Variants in CHL1 observed in about 807,000 individuals in gnomAD.
CHL1 encodes the protein cell adhesion molecule L1 like, also known as neural cell adhesion molecule L1-like protein.
CHL1 carries 96 observed loss-of-function variants against 141.9 expected under a neutral mutation model. The observed-to-expected ratio is 0.68, with a 90% CI of 0.57 to 0.80. CHL1 has a LOEUF of 0.80. Among genes scored for constraint, CHL1 ranks in the 30% least tolerant of loss-of-function variants. The pLI is 0.00. For synonymous variants in CHL1, 613 were observed against 502.2 expected (o/e 1.22, Z -2.95); for missense variants, 1,820 against 1,457.2 (o/e 1.25, Z -4.05).
At chr3:353,990 T>C (rs1276548851) in intron 10 of CHL1, among the ~76,000 whole-genome samples, 1 of 152,180 alleles carries the variant, frequency 6.6e-6, no homozygotes, top group African/African-American at 2.4e-5. Context: ...ATTGTTACAC[T>C]GGAGCATTAG....
chr3:367,868 CAT>C (rs755116195), intron 15 of CHL1, among the ~76,000 whole-genome samples: 16 of 151,742 alleles, frequency 1.1e-4, no homozygotes, highest in Non-Finnish European at 1.8e-4. Context: ...TCTTCTCCCA[CAT>C]GTTTGCTGAT....
chr3:390,600 A>G, intron 20 of CHL1, 101 bp from the exon 21 acceptor site: 1 of 677,810 alleles, frequency 1.5e-6, no homozygotes, highest in African/African-American at 1.8e-5. Context: ...ATTTCACAAA[A>G]GTGCTTTCTC....
At chr3:328,770 A>G (rs897567470) in intron 5 of CHL1, among the ~76,000 whole-genome samples, 3 of 152,122 alleles carry the variant, frequency 2.0e-5, no homozygotes, top group African/African-American at 7.2e-5. Context: ...ATCACAGCTA[A>G]TGGAGACATC....
chr3:400,218 G>T (rs750582629), intron 26 of CHL1, among the ~76,000 whole-genome samples: 3 of 152,106 alleles, frequency 2.0e-5, no homozygotes, highest in Non-Finnish European at 4.4e-5. Flanking sequence ...TTGGGAACCC[G>T]TCATCTACAT....
Position 325,872 on chromosome 3 carries a change from C to G in CHL1, c.92-87C>G, listed in dbSNP as rs111292192. Reference sequence around the variant, plus strand: ...TATCATCCTTTCACTTATCAGTATACAAAAGAGGTTTAAAGTGTTTTCGCT... The same window carrying G: ...TATCATCCTTTCACTTATCAGTATAGAAAAGAGGTTTAAAGTGTTTTCGCT... On this transcript the variant is annotated intron_variant, in intron 3 of 27. Coordinates refer to ENST00000256509, the MANE Select transcript of CHL1 (RefSeq NM_006614.4). The G allele has an allele frequency of 1.0e-3, 816 of 789,626 alleles. 3 individuals are homozygous for G. In the African/African-American group the frequency reaches 0.013, roughly 13 times the overall value. 48.9% of individuals were successfully genotyped at this position (789,626 alleles called of 1,614,324 possible).
Position 361,703 on chromosome 3 carries a change from C to T in CHL1, c.1311C>T (p.Val437=), listed in dbSNP as rs773636933. The T allele has an allele frequency of 1.4e-5, 22 of 1,605,630 alleles. No individual in the cohort carries two copies. The South Asian group carries it at 2.3e-4, about 17-fold the overall frequency. Residue 437 remains valine, a synonymous_variant, in exon 13 of 28, where the codon GTC becomes GTT. Coordinates refer to ENST00000256509, the MANE Select transcript of CHL1 (RefSeq NM_006614.4). The stretch of plus-strand genomic sequence containing the variant: ...GTTTATGTTATTTTCAAATAGATGT[C>T]CGTCCATTGATACAAACCAAAGATG... The part of the protein sequence containing the change: ...LANANIDVVD[V]RPLIQTKDGE...
chr3:250,250 A>G (rs1414831991), intron 2 of CHL1, among the ~76,000 whole-genome samples: 1 of 152,062 alleles, frequency 6.6e-6, no homozygotes, highest in Non-Finnish European at 1.5e-5. Flanking sequence ...CAAGCCACAA[A>G]TTTTATTTGA....
chr3:258,009 G>C (rs938749862), intron 2 of CHL1, among the ~76,000 whole-genome samples: 3 of 152,198 alleles, frequency 2.0e-5, no homozygotes, highest in African/African-American at 7.2e-5. Context: ...CGGTGGATTG[G>C]ATGTGTTTGC....
intron 2 of CHL1, among the ~76,000 whole-genome samples, chr3:313,996 T>G (rs1008161234): frequency 6.6e-6 from 1 of 152,166 alleles, no homozygotes; most frequent in Non-Finnish European, 1.5e-5. Context: ...ACATACACAC[T>G]GATGTTTAAA....
In CHL1 at chr3:361,556, G is replaced by A. The variant is rs1165182972; in HGVS notation, c.1307-143G>A. On this transcript the variant is annotated intron_variant, in intron 12 of 27. Transcript: ENST00000256509. ...GTACTTTCAAAAATGTATTGAATTG[G>A]GATACTTCTATAATTCAAAACAGAC... The A allele has an allele frequency of 2.8e-5, 16 of 568,278 alleles. No homozygotes were observed. In the Admixed American group the frequency reaches 4.7e-4, roughly 17 times the overall value. 35.2% of individuals were successfully genotyped at this position (568,278 alleles called of 1,614,324 possible).
At chr3:309,781 C>G (rs1699601526) in intron 2 of CHL1, among the ~76,000 whole-genome samples, 1 of 152,130 alleles carries the variant, frequency 6.6e-6, no homozygotes, top group South Asian at 2.1e-4. Flanking sequence ...TCTCAAAGTG[C>G]TAGGAATACA....
Position 340,930 on chromosome 3 carries a change from C to A in CHL1, c.508+14C>A. On this transcript the variant is annotated intron_variant, in intron 6 of 27. Transcript: ENST00000256509. ...GGATGAATATTGGTAAGTAATGCTC[C>A]GTTCCATCAAAAAAGGGGGACATTT... 1 of 1,602,462 alleles carries A rather than the reference C, an allele frequency of 6.2e-7. No homozygotes were observed. Among genetic ancestry groups the A allele is most frequent in the Non-Finnish European group, 8.5e-7 (1 of 1,175,686 alleles).
intron 2 of CHL1, among the ~76,000 whole-genome samples, chr3:251,395 C>A (rs1693680975): frequency 6.6e-6 from 1 of 152,154 alleles, no homozygotes; most frequent in South Asian, 2.1e-4. Context: ...ACAAACTAGT[C>A]AACCTCTCTG....
At chr3:375,990 A>C (rs1183052832) in intron 15 of CHL1, among the ~76,000 whole-genome samples, 1 of 152,156 alleles carries the variant, frequency 6.6e-6, no homozygotes, top group African/African-American at 2.4e-5. Context: ...GAAGGAGTCG[A>C]GTGGTTTTAG....
At chr3:372,844 A>G (rs1194835892) in intron 15 of CHL1, among the ~76,000 whole-genome samples, 4 of 149,376 alleles carry the variant, frequency 2.7e-5, no homozygotes, top group Admixed American at 6.7e-5. Context: ...TTTTCTTTCA[A>G]TGGTCAGGTC....
rs545425187 is a variant in CHL1, at chr3:315,667, A to T, written c.-94-4016A>T. ...GAGGTACGCACGCTTGTCCATGTTA[A>T]ACTAATGTCTTGAAATCAGTGTATT... On this transcript the variant is annotated intron_variant, in intron 2 of 27. Transcript: ENST00000256509. 5.3e-5 allele frequency among the ~76,000 whole-genome samples: 8 copies of T among 152,122 alleles called. No individual in the cohort carries two copies. In the South Asian group the frequency reaches 1.7e-3, roughly 32 times the overall value.
At chr3:323,414 G>C (rs374116860) in intron 3 of CHL1, among the ~76,000 whole-genome samples, 1 of 152,058 alleles carries the variant, frequency 6.6e-6, no homozygotes, top group East Asian at 1.9e-4. Context: ...AAAATTCAGT[G>C]AGCGGGTATT....
chr3:224,411 G>A (rs1432267852), intron 1 of CHL1, among the ~76,000 whole-genome samples: 1 of 152,072 alleles, frequency 6.6e-6, no homozygotes, highest in Admixed American at 6.6e-5. Flanking sequence ...TTCGAGATTA[G>A]GCCTGGTAGG....
intron 2 of CHL1, among the ~76,000 whole-genome samples, chr3:268,102 A>G (rs1213369756): frequency 6.6e-6 from 1 of 152,230 alleles, no homozygotes; most frequent in Non-Finnish European, 1.5e-5. Flanking sequence ...ACACATGTTC[A>G]ATAGATACAA....
Sources: gnomAD v4.1 joint callset for allele counts (sites outside exome capture counted in the v4.1 genomes callset) on GRCh38, gnomAD v4.1.1 for gene constraint, MANE v1.5 for transcripts, NCBI Gene and HGNC (gene_info 2026-07-23, HGNC 2026-07-21) for gene names.